The following JAKMIP2 variants were observed in gnomAD, a reference collection of about 807,000 sequenced individuals.
JAKMIP2 encodes janus kinase and microtubule interacting protein 2.
Under a neutral mutation model 115.0 loss-of-function variants are expected in JAKMIP2, and 25 were observed. The observed-to-expected ratio is 0.22, with a 90% CI of 0.16 to 0.30. The LOEUF (loss-of-function observed/expected upper bound fraction) is 0.30. Among genes scored for constraint, JAKMIP2 ranks in the 10% least tolerant of loss-of-function variants. The pLI is 1.00. For missense variants in JAKMIP2, 642 were observed against 957.6 expected (o/e 0.67, Z 4.35); for synonymous variants, 334 against 343.6 (o/e 0.97, Z 0.31).
chr5:147,726,690 G>A (rs751887964), intron 1 of JAKMIP2, among the ~76,000 whole-genome samples: 16 of 152,264 alleles, frequency 1.1e-4, no homozygotes, highest in Non-Finnish European at 8.8e-5. Context: ...AGCCAGCCTG[G>A]CAAGTTGGTC....
At chr5:147,594,489 C>T in intron 21 of JAKMIP2, 2 of 446,764 alleles carry the variant, frequency 4.5e-6, no homozygotes, top group South Asian at 1.6e-5. Flanking sequence ...TATGTGCCCC[C>T]ATACCCAGCT....
intron 1 of JAKMIP2, among the ~76,000 whole-genome samples, chr5:147,764,980 G>A (rs1414840108): frequency 1.4e-4 from 16 of 111,486 alleles, no homozygotes; most frequent in Admixed American, 6.3e-4. Flanking sequence ...GAGAGAGAGA[G>A]AGAGAGAGAG....
chr5:147,620,801 A>C (rs996627185), intron 17 of JAKMIP2, 58 bp from the exon 18 acceptor site: 3 of 1,176,850 alleles, frequency 2.5e-6, no homozygotes, highest in Non-Finnish European at 3.8e-6. Context: ...GTGACGTACA[A>C]ATGGTATTGA....
intron 1 of JAKMIP2, among the ~76,000 whole-genome samples, chr5:147,772,538 A>G (rs1755399121): frequency 6.6e-6 from 1 of 150,748 alleles, no homozygotes; most frequent in Non-Finnish European, 1.5e-5. Context: ...GTGTTGCCAG[A>G]TTTTCTTTTT....
chr5:147,750,835 G>C (rs1754523917), intron 1 of JAKMIP2, among the ~76,000 whole-genome samples: 1 of 152,054 alleles, frequency 6.6e-6, no homozygotes, highest in African/African-American at 2.4e-5. Context: ...GCACAGAGAG[G>C]AGGCCATTGG....
chr5:147,730,874 A>G (rs546129375), intron 1 of JAKMIP2, among the ~76,000 whole-genome samples: 14 of 152,214 alleles, frequency 9.2e-5, no homozygotes, highest in Non-Finnish European at 1.3e-4. Flanking sequence ...TCTTGGCTAT[A>G]CATTCCCACT....
At chr5:147,688,687 T>C (rs1330242059) in intron 1 of JAKMIP2, among the ~76,000 whole-genome samples, 1 of 152,200 alleles carries the variant, frequency 6.6e-6, no homozygotes, top group Non-Finnish European at 1.5e-5. Context: ...CTCAACCGCA[T>C]CACTATAGTC....
chr5:147,721,122 T>G lies in JAKMIP2; in HGVS notation c.-148-49168A>C, dbSNP rs536612988. ...AGTACCCTGCCATGTGAGGTGTCAGTGTGCCCCTGCTGGGGGGTGCCTCCC... is the reference window on the plus strand; with the variant it reads ...AGTACCCTGCCATGTGAGGTGTCAGGGTGCCCCTGCTGGGGGGTGCCTCCC... On this transcript the variant is annotated intron_variant, in intron 1 of 21. Transcript: ENST00000616793. Among the ~76,000 whole-genome samples, 1,324 of 151,968 alleles carry G rather than the reference T, an allele frequency of 8.7e-3. 19 individuals carry two copies. Among genetic ancestry groups the G allele is most frequent in the African/African-American group, 0.03 (1,256 of 41,346 alleles).
Position 147,764,949 on chromosome 5 carries a change from AGAGAGAGAGAGAGAGAGGGG to A in JAKMIP2, c.-149+17487_-149+17506del, listed in dbSNP as rs1561582593. Among the ~76,000 whole-genome samples, 88 of 72,604 alleles carry A rather than the reference AGAGAGAGAGAGAGAGAGGGG, an allele frequency of 1.2e-3. 9 individuals carry two copies. Among genetic ancestry groups the A allele is most frequent in the African/African-American group, 2.9e-3 (42 of 14,252 alleles). 47.6% of individuals were successfully genotyped at this position (72,604 alleles called of 152,430 possible). A position where few individuals can be genotyped will look rare whatever the true frequency, so the allele number is the denominator to read the frequency against. On this transcript the variant is annotated intron_variant, in intron 1 of 21. Coordinates refer to ENST00000616793, the MANE Select transcript of JAKMIP2 (RefSeq NM_001270941.2). Reference sequence around the variant, plus strand: ...GAGAGAGAGAGAGAGAGAGAGAGGGAGAGAGAGAGAGAGAGAGGGGGAGAGAGAGAGAGAGAGAGAGGGAG... The same window carrying A: ...GAGAGAGAGAGAGAGAGAGAGAGGGAGAGAGAGAGAGAGAGAGAGAGGGAG...
At chr5:147,709,010 T>C (rs1752682066) in intron 1 of JAKMIP2, among the ~76,000 whole-genome samples, 2 of 152,190 alleles carry the variant, frequency 1.3e-5, no homozygotes. Flanking sequence ...ATGTATCCAG[T>C]TGTTAGTGCT....
intron 21 of JAKMIP2, among the ~76,000 whole-genome samples, chr5:147,593,171 G>C (rs2126550136): frequency 6.6e-6 from 1 of 152,292 alleles, no homozygotes; most frequent in Admixed American, 6.5e-5. Flanking sequence ...TTGTCTCCTT[G>C]CTCCACACTC....
chr5:147,661,645 T>G (rs1758983120), intron 2 of JAKMIP2, 200 bp from the exon 3 acceptor site: 3 of 572,350 alleles, frequency 5.2e-6, no homozygotes, highest in South Asian at 4.5e-5. Context: ...CTGAGGATAT[T>G]TATATTACTT....
chr5:147,612,922 C>A (rs1270774004), intron 19 of JAKMIP2, among the ~76,000 whole-genome samples: 1 of 152,166 alleles, frequency 6.6e-6, no homozygotes, highest in Non-Finnish European at 1.5e-5. Context: ...CCCATTTCAA[C>A]CCTGTTTCAG....
intron 20 of JAKMIP2, among the ~76,000 whole-genome samples, chr5:147,607,014 C>T (rs972654659): frequency 1.2e-4 from 18 of 152,306 alleles, no homozygotes; most frequent in African/African-American, 4.3e-4. Flanking sequence ...GATTTTTGCA[C>T]ATTGATTTTG....
At chr5:147,731,313 TG>T (rs1753725029) in intron 1 of JAKMIP2, among the ~76,000 whole-genome samples, 2 of 152,170 alleles carry the variant, frequency 1.3e-5, no homozygotes, top group South Asian at 4.1e-4. Context: ...GGTAAAGCAA[TG>T]GTAATATTTC....
At chr5:147,748,645 TCAC>T (rs1394286124) in intron 1 of JAKMIP2, among the ~76,000 whole-genome samples, 3 of 152,048 alleles carry the variant, frequency 2.0e-5, no homozygotes, top group Non-Finnish European at 4.4e-5. Flanking sequence ...CTTTTCTTTG[TCAC>T]CACATGTACA....
At chr5:147,618,468 G>A (rs1284080762) in intron 18 of JAKMIP2, among the ~76,000 whole-genome samples, 1 of 152,120 alleles carries the variant, frequency 6.6e-6, no homozygotes, top group Admixed American at 6.5e-5. Flanking sequence ...CAGGCACGGT[G>A]GCTCACACCT....
chr5:147,586,222 T>C lies in JAKMIP2; in HGVS notation c.*5485A>G, dbSNP rs1754864504. On this transcript the variant is annotated 3_prime_UTR_variant, in exon 22 of 22. Transcript: ENST00000616793. Reference sequence around the variant, plus strand: ...GCAGAAAAAACCTTTCTTGAAGTCCTGCATCCTAGAACAGAAGTACACGTT... The same window carrying C: ...GCAGAAAAAACCTTTCTTGAAGTCCCGCATCCTAGAACAGAAGTACACGTT... 6.6e-6 allele frequency: 1 copy of C among 152,194 alleles called. No individual in the cohort carries two copies. Among genetic ancestry groups the C allele is most frequent in the Non-Finnish European group, 1.5e-5 (1 of 68,074 alleles). The allele number at this position is 152,194 out of a possible 1,614,324, so 9.4% of individuals were successfully genotyped here.
At chr5:147,773,775 T>C (rs1247644137) in intron 1 of JAKMIP2, among the ~76,000 whole-genome samples, 1 of 152,082 alleles carries the variant, frequency 6.6e-6, no homozygotes, top group Non-Finnish European at 1.5e-5. Flanking sequence ...GATGCAACAA[T>C]CGATTTCCCT....
Sources: allele counts gnomAD v4.1 joint callset (sites outside exome capture counted in the v4.1 genomes callset), GRCh38; gene constraint gnomAD v4.1.1; transcripts MANE v1.5; gene names NCBI Gene and HGNC (gene_info 2026-07-23, HGNC 2026-07-21).